HIRA: variants seen among roughly 807,000 people sequenced by gnomAD.
HIRA encodes the protein histone cell cycle regulator, also known as protein HIRA.
HIRA carries 13 observed loss-of-function variants against 126.6 expected under a neutral mutation model. The observed-to-expected ratio is 0.10, with a 90% CI of 0.07 to 0.16. HIRA has a LOEUF of 0.16. Among genes scored for constraint, HIRA ranks in the 10% least tolerant of loss-of-function variants. The pLI is 1.00. For synonymous variants in HIRA, 511 were observed against 520.0 expected (o/e 0.98, Z 0.24); for missense variants, 834 against 1,314.4 (o/e 0.63, Z 5.65).
In HIRA at chr22:19,387,647, G is replaced by A. The variant is rs185975022; in HGVS notation, c.1113+64C>T. 2,938 of 1,186,004 alleles carry A rather than the reference G, an allele frequency of 2.5e-3. 106 individuals carry two copies. In the Admixed American group the frequency reaches 0.051, roughly 21 times the overall value. 73.5% of individuals were successfully genotyped at this position (1,186,004 alleles called of 1,614,324 possible). A position where few individuals can be genotyped will look rare whatever the true frequency, so the allele number is the denominator to read the frequency against. ...ACAAGAAGAGGGTGTAGTCAAAGGG[G>A]TCTCTCAGAGCTATTGTGGCAATGG... On this transcript the variant is annotated intron_variant, in intron 11 of 24. Transcript: ENST00000263208.
At position 19,408,542 on chromosome 22, in the gene HIRA, T is replaced by G. The variant is rs755598858; in HGVS notation, c.152A>C (p.Glu51Ala). Residue 51 changes from glutamate to alanine, a missense_variant, in exon 3 of 25, where the codon GAG (glutamate) becomes GCG (alanine). Physicochemically the swap from Glu to Ala is moderately radical, Grantham distance 107. Transcript: ENST00000263208. ...VIWNMSPVLQEDDEKDENIPK... is the reference protein window; with the variant it reads ...VIWNMSPVLQADDEKDENIPK... ...AATATTTTCATCCTTCTCGTCATCC[T>G]CCTGGAGGACTGGAGACATATTCCA... 1 of 1,613,896 alleles carries G rather than the reference T, an allele frequency of 6.2e-7. No individual in the cohort carries two copies. Among genetic ancestry groups the G allele is most frequent in the Non-Finnish European group, 8.5e-7 (1 of 1,179,744 alleles).
chr22:19,422,635 C>T (rs1468420452), intron 1 of HIRA, among the ~76,000 whole-genome samples: 2 of 152,192 alleles, frequency 1.3e-5, no homozygotes, highest in Non-Finnish European at 2.9e-5. Context: ...CTCAAACCCT[C>T]CAGGCAAGTT....
intron 15 of HIRA, among the ~76,000 whole-genome samples, chr22:19,373,549 G>A (rs1346787276): frequency 1.3e-5 from 2 of 152,158 alleles, no homozygotes; most frequent in African/African-American, 2.4e-5. Flanking sequence ...GCCTCTGAAC[G>A]TCAATTAGAC....
chr22:19,335,247 C>CT (rs112049352), intron 24 of HIRA, among the ~76,000 whole-genome samples: 161 of 144,940 alleles, frequency 1.1e-3, no homozygotes, highest in Admixed American at 2.1e-3. Flanking sequence ...AACTTTTTGA[C>CT]TTTTTTTTTT....
chr22:19,411,495 G>C (rs556992165), intron 1 of HIRA, among the ~76,000 whole-genome samples: 2 of 152,278 alleles, frequency 1.3e-5, no homozygotes, highest in South Asian at 4.1e-4. Flanking sequence ...GCAGACCATA[G>C]AAGGCACTCA....
In HIRA at chr22:19,353,420, G is replaced by T; in HGVS notation, c.2784C>A (p.Thr928=). 1.2e-6 allele frequency: 2 copies of T among 1,613,028 alleles called. No individual in the cohort carries two copies. The highest frequency in any genetic ancestry group is 1.7e-6 in the Non-Finnish European group (2 of 1,179,928). Residue 928 remains threonine (T), a synonymous_variant, in exon 23 of 25, where the codon ACC becomes ACA. Coordinates refer to ENST00000263208, the MANE Select transcript of HIRA (RefSeq NM_003325.4). ...GGCGGTACTCGTGGCTGGACTGCAGGGTGAGTGCTGCTGCCACCTGGTTCT... is the reference window on the plus strand; with the variant it reads ...GGCGGTACTCGTGGCTGGACTGCAGTGTGAGTGCTGCTGCCACCTGGTTCT... ...YLENQVAAAL[T]LQSSHEYRHW...
At chr22:19,402,943 GA>G (rs1251295286) in intron 5 of HIRA, among the ~76,000 whole-genome samples, 5 of 147,290 alleles carry the variant, frequency 3.4e-5, no homozygotes, top group Admixed American at 1.4e-4. Context: ...CCATCTCTAC[GA>G]AAAAAAAAAT....
rs776148567 is a variant in HIRA at position 19,361,359 on chromosome 22, G to A, written c.1981-18C>T. 4.4e-6 allele frequency: 7 copies of A among 1,604,570 alleles called. No homozygotes were observed. The highest frequency in any genetic ancestry group is 1.7e-4 in the Middle Eastern group (1 of 6,050). The stretch of plus-strand genomic sequence containing the variant: ...GCTGGAGACTGGAAGAGCCAGAAAC[G>A]TTCCTGAGCCTTGCTCTAACACTAC... On this transcript the variant is annotated intron_variant, in intron 16 of 24. Transcript: ENST00000263208.
At chr22:19,352,627 T>A (rs2088770316) in intron 23 of HIRA, among the ~76,000 whole-genome samples, 2 of 152,198 alleles carry the variant, frequency 1.3e-5, no homozygotes, top group Admixed American at 1.3e-4. Context: ...GGGAATTACA[T>A]CCGTGAAGGT....
At chr22:19,345,970 C>T (rs1422776078) in intron 24 of HIRA, among the ~76,000 whole-genome samples, 2 of 152,206 alleles carry the variant, frequency 1.3e-5, no homozygotes, top group Non-Finnish European at 2.9e-5. Context: ...ATATAAAGAG[C>T]TCCTATAATA....
At chr22:19,413,564 A>G (rs2146247508) in intron 1 of HIRA, among the ~76,000 whole-genome samples, 1 of 152,012 alleles carries the variant, frequency 6.6e-6, no homozygotes, top group South Asian at 2.1e-4. Context: ...CAAGGAAAGC[A>G]GTCACTCACA....
chr22:19,398,419 A>G (rs372830668), intron 5 of HIRA, among the ~76,000 whole-genome samples: 1 of 152,302 alleles, frequency 6.6e-6, no homozygotes. Context: ...TGCTTTGCCA[A>G]TCATAACAGG....
At chr22:19,398,955 TA>T in intron 5 of HIRA, 1 of 201,732 alleles carries the variant, frequency 5.0e-6, no homozygotes, top group Non-Finnish European at 8.8e-6. Context: ...GGCAACAGAG[TA>T]AGACCCTGTC....
rs537918482 is a variant in HIRA at position 19,333,694 on chromosome 22, A to G, written c.2938-2138T>C. On this transcript the variant is annotated intron_variant, in intron 24 of 24. Coordinates refer to ENST00000263208, the MANE Select transcript of HIRA (RefSeq NM_003325.4). ...CTCTCTACTCCTTTCTCTCTCTTAC[A>G]CTTCTAGAACTCCCATTATGGATTC... 2.0e-5 allele frequency among the ~76,000 whole-genome samples: 3 copies of G among 152,120 alleles called. No individual in the cohort carries two copies. In the East Asian group the frequency reaches 5.8e-4, roughly 29 times the overall value.
At chr22:19,395,699 C>G (rs918528064) in intron 7 of HIRA, among the ~76,000 whole-genome samples, 6 of 152,156 alleles carry the variant, frequency 3.9e-5, no homozygotes, top group African/African-American at 1.4e-4. Context: ...ATGCACTCAC[C>G]TCTCCTGGGC....
intron 2 of HIRA, among the ~76,000 whole-genome samples, chr22:19,408,940 G>A (rs937727244): frequency 2.6e-5 from 4 of 152,098 alleles, no homozygotes; most frequent in Admixed American, 2.0e-4. Context: ...CCTAGACTCC[G>A]ACTCCTTGAC....
intron 1 of HIRA, among the ~76,000 whole-genome samples, chr22:19,424,662 G>GTT (rs71805782): frequency 0.031 from 4,650 of 152,262 alleles, 145 homozygotes; most frequent in South Asian, 0.13. Context: ...ATTAGAAAGA[G>GTT]TAAGTCTGGG....
At chr22:19,401,896 G>C (rs796962520) in intron 5 of HIRA, among the ~76,000 whole-genome samples, 2 of 152,080 alleles carry the variant, frequency 1.3e-5, no homozygotes, top group Admixed American at 1.3e-4. Flanking sequence ...AGATCCCTGC[G>C]GAGACTTCAT....
rs370554587 is a variant in HIRA, at chr22:19,355,762, T to C, written c.2559A>G (p.Thr853=). The C allele has an allele frequency of 1.9e-6, 3 of 1,608,770 alleles. No homozygotes were observed. The highest frequency in any genetic ancestry group is 2.6e-6 in the Non-Finnish European group (3 of 1,175,250). ...KAYCFNPSLS[T]WNLVSDKQDS... ...GGACTGGGGGTCAGCTTGCTTACCA[T>C]GTGGAAAGTGACGGATTAAAGCAGT... The change falls in exon 21 of 25, where the codon ACA becomes ACG. Residue 853 remains threonine (T), a splice_region_variant and synonymous_variant. Transcript: ENST00000263208.
Sources: gnomAD v4.1 joint callset for allele counts (sites outside exome capture counted in the v4.1 genomes callset) on GRCh38, gnomAD v4.1.1 for gene constraint, MANE v1.5 for transcripts, NCBI Gene and HGNC (gene_info 2026-07-23, HGNC 2026-07-21) for gene names.